SPIDR: variants seen among roughly 807,000 people sequenced by gnomAD.
SPIDR encodes the protein DNA repair-scaffolding protein.
Under a neutral mutation model 104.6 loss-of-function variants are expected in SPIDR, and 93 were observed. The observed-to-expected ratio is 0.89, with a 90% CI of 0.75 to 1.06. The LOEUF is 1.06. Ranked by LOEUF, SPIDR falls within the 50% of genes least tolerant of loss-of-function variation. The pLI, the probability that SPIDR is intolerant of heterozygous loss-of-function variation, is 0.00. For synonymous variants in SPIDR, 431 were observed against 416.9 expected (o/e 1.03, Z -0.41); for missense variants, 1,154 against 1,111.2 (o/e 1.04, Z -0.55).
chr8:47,329,191 C>T (rs550409395), intron 5 of SPIDR, among the ~76,000 whole-genome samples: 15 of 152,192 alleles, frequency 9.9e-5, no homozygotes, highest in African/African-American at 3.1e-4. Flanking sequence ...CTGCCTCAGC[C>T]TCCCGAGTAG....
chr8:47,665,212 A>G (rs1431938973), intron 10 of SPIDR, among the ~76,000 whole-genome samples: 1 of 152,230 alleles, frequency 6.6e-6, no homozygotes, highest in Non-Finnish European at 1.5e-5. Flanking sequence ...CTCATCATAT[A>G]TTAATACAAG....
intron 8 of SPIDR, among the ~76,000 whole-genome samples, chr8:47,534,919 A>T (rs1195938143): frequency 6.6e-6 from 1 of 152,176 alleles, no homozygotes; most frequent in African/African-American, 2.4e-5. Context: ...AGAAAAAAGG[A>T]AAAAAGACAG....
chr8:47,406,548 A>C (rs2062783131), intron 6 of SPIDR, among the ~76,000 whole-genome samples: 1 of 152,224 alleles, frequency 6.6e-6, no homozygotes, highest in Admixed American at 6.5e-5. Flanking sequence ...TGTTACATGT[A>C]CTACACGCAA....
intron 8 of SPIDR, among the ~76,000 whole-genome samples, chr8:47,504,280 C>G (rs1396768794): frequency 2.0e-5 from 3 of 152,214 alleles, no homozygotes; most frequent in Non-Finnish European, 1.5e-5. Context: ...ACCAGTCAGA[C>G]ATAGATTTGG....
intron 6 of SPIDR, among the ~76,000 whole-genome samples, chr8:47,405,717 T>C (rs949456744): frequency 1.3e-4 from 20 of 152,198 alleles, no homozygotes; most frequent in Admixed American, 1.0e-3. Flanking sequence ...AAATAACTTA[T>C]CTGGCTACGT....
At chr8:47,652,717 G>A (rs1354851395) in intron 10 of SPIDR, among the ~76,000 whole-genome samples, 1 of 152,192 alleles carries the variant, frequency 6.6e-6, no homozygotes, top group Non-Finnish European at 1.5e-5. Flanking sequence ...AAAGAAGAAA[G>A]CCTTGTATGT....
At chr8:47,701,579 T>G in intron 12 of SPIDR, 142 bp from the exon 13 acceptor site, 1 of 755,026 alleles carries the variant, frequency 1.3e-6, no homozygotes, top group Admixed American at 2.7e-5. Context: ...AACAATGCAA[T>G]CCATTCCTTG....
chr8:47,300,363 T>C (rs920394791), intron 5 of SPIDR, among the ~76,000 whole-genome samples: 1 of 152,238 alleles, frequency 6.6e-6, no homozygotes, highest in African/African-American at 2.4e-5. Context: ...TTAGTCTTGC[T>C]AGCAGTCTAT....
At chr8:47,429,384 C>T (rs974974997) in intron 7 of SPIDR, among the ~76,000 whole-genome samples, 7 of 152,244 alleles carry the variant, frequency 4.6e-5, no homozygotes, top group African/African-American at 1.4e-4. Context: ...GTGCACAGCA[C>T]GCAATATCTC....
intron 7 of SPIDR, among the ~76,000 whole-genome samples, chr8:47,411,295 A>G (rs1187232957): frequency 1.3e-5 from 2 of 152,130 alleles, no homozygotes; most frequent in Non-Finnish European, 2.9e-5. Flanking sequence ...AAGTGTTCCT[A>G]TTTCTTCACA....
intron 10 of SPIDR, among the ~76,000 whole-genome samples, chr8:47,658,952 A>AG (rs2073504986): frequency 1.3e-5 from 2 of 151,038 alleles, no homozygotes; most frequent in East Asian, 3.9e-4. Context: ...CAAAAAAAAA[A>AG]AAAAAAAAGA....
intron 8 of SPIDR, among the ~76,000 whole-genome samples, chr8:47,490,414 C>T (rs550434740): frequency 8.5e-5 from 13 of 152,278 alleles, no homozygotes; most frequent in African/African-American, 1.2e-4. Context: ...TAAACTGGTT[C>T]AACCATTGTG....
intron 5 of SPIDR, among the ~76,000 whole-genome samples, chr8:47,323,105 G>GA (rs2154263635): frequency 6.8e-6 from 1 of 147,354 alleles, no homozygotes; most frequent in African/African-American, 2.5e-5. Context: ...AGAAGAAGAA[G>GA]AGAAAAAAAA....
intron 5 of SPIDR, among the ~76,000 whole-genome samples, chr8:47,351,774 A>G (rs1319963965): frequency 6.6e-6 from 1 of 152,216 alleles, no homozygotes; most frequent in African/African-American, 2.4e-5. Context: ...TAACTAGTCT[A>G]GAGATGAATT....
intron 5 of SPIDR, among the ~76,000 whole-genome samples, chr8:47,374,030 G>A (rs921297625): frequency 6.6e-6 from 1 of 152,106 alleles, no homozygotes; most frequent in African/African-American, 2.4e-5. Context: ...AGGTTCGTTT[G>A]TTTTATTCAT....
intron 8 of SPIDR, among the ~76,000 whole-genome samples, chr8:47,492,781 C>G (rs1106607): frequency 0.45 from 67,981 of 152,012 alleles, 18,676 homozygotes; most frequent in East Asian, 0.66. Context: ...TGTTAGAGCC[C>G]GCTTCTCAGT....
At chr8:47,404,857 A>G (rs1352313903) in intron 6 of SPIDR, among the ~76,000 whole-genome samples, 8 of 152,230 alleles carry the variant, frequency 5.3e-5, no homozygotes, top group African/African-American at 7.2e-5. Context: ...TACTGGATAT[A>G]TACCCAAAAG....
chr8:47,709,624 C>G (rs1244697433), intron 14 of SPIDR, among the ~76,000 whole-genome samples: 1 of 152,158 alleles, frequency 6.6e-6, no homozygotes, highest in Non-Finnish European at 1.5e-5. Context: ...AGTGGTAGTA[C>G]TAGTACTGCT....
At chr8:47,727,673 G>A (rs1281305042) in intron 17 of SPIDR, among the ~76,000 whole-genome samples, 1 of 152,228 alleles carries the variant, frequency 6.6e-6, no homozygotes, top group Non-Finnish European at 1.5e-5. Flanking sequence ...AGCAGCTACT[G>A]GACAGATGTC....
Sources: allele counts gnomAD v4.1 joint callset (sites outside exome capture counted in the v4.1 genomes callset), GRCh38; gene constraint gnomAD v4.1.1; transcripts MANE v1.5; gene names NCBI Gene and HGNC (gene_info 2026-07-23, HGNC 2026-07-21).